LRRIQ1: variants seen among roughly 807,000 people sequenced by gnomAD.
LRRIQ1 encodes leucine-rich repeat- and IQ domain-containing protein 1.
A neutral mutation model predicts 211.9 loss-of-function variants in LRRIQ1; 210 were observed. That is an observed-to-expected ratio of 0.99 (90% CI 0.89 to 1.11). The LOEUF (loss-of-function observed/expected upper bound fraction) is 1.11, where lower values mean the gene tolerates loss of function less well. LRRIQ1 is among the 50% of genes most tolerant of loss of function. The probability of loss-of-function intolerance (pLI) is 0.00; values close to 1 mark genes in which losing one functional copy is unlikely to be tolerated. For missense variants in LRRIQ1, 2,136 were observed against 1,939.5 expected (o/e 1.10, Z -1.90); for synonymous variants, 699 against 650.1 (o/e 1.08, Z -1.14).
At chr12:85,053,876 T>G (rs1880642019) in intron 7 of LRRIQ1, among the ~76,000 whole-genome samples, 1 of 152,160 alleles carries the variant, frequency 6.6e-6, no homozygotes. Flanking sequence ...CCCAGCTAAT[T>G]TTTTGTATTG....
Position 85,055,835 on chromosome 12 carries a change from G to C in LRRIQ1, c.1042G>C (p.Glu348Gln), listed in dbSNP as rs201810554. 5.5e-5 allele frequency: 87 copies of C among 1,576,454 alleles called. No individual in the cohort carries two copies. Among genetic ancestry groups the C allele is most frequent in the Non-Finnish European group, 6.9e-5 (80 of 1,162,194 alleles). ...RLEEEQRIKE[E>Q]RKKQKEEERK... ...AGAGGAGGAACAAAGGATAAAAGAA[G>C]AGAGAAAAAAGCAAAAGGAAGAGGA... Residue 348 changes from glutamate to glutamine, a missense_variant, in exon 8 of 27, where the codon GAG (glutamate) becomes CAG (glutamine). Coordinates refer to ENST00000393217, the MANE Select transcript of LRRIQ1 (RefSeq NM_001079910.2).
At chr12:85,268,504 A>G (rs1896469780), downstream of LRRIQ1, among the ~76,000 whole-genome samples, 1 of 151,974 alleles carries the variant, frequency 6.6e-6, no homozygotes, top group Admixed American at 6.6e-5. Flanking sequence ...TGTAAAATAA[A>G]TTGGTAGAAT....
intron 24 of LRRIQ1, among the ~76,000 whole-genome samples, chr12:85,195,130 T>C (rs2136972122): frequency 1.3e-5 from 2 of 152,162 alleles, no homozygotes; most frequent in Middle Eastern, 6.8e-3. Context: ...CAGGAAGAAG[T>C]TGAATCTCTG....
At chr12:85,251,002 T>C (rs953509565) in intron 1 of LRRIQ1, among the ~76,000 whole-genome samples, 19 of 121,822 alleles carry the variant, frequency 1.6e-4, no homozygotes, top group African/African-American at 5.8e-4. Flanking sequence ...ATATTATATA[T>C]AATATATATA....
intron 24 of LRRIQ1, among the ~76,000 whole-genome samples, chr12:85,172,641 T>A (rs1270417761): frequency 6.6e-6 from 1 of 152,122 alleles, no homozygotes; most frequent in African/African-American, 2.4e-5. Context: ...TATGGGAATA[T>A]TAGGAAGGGG....
At chr12:85,243,029 G>C (rs1895534962) in intron 26 of LRRIQ1, among the ~76,000 whole-genome samples, 2 of 151,544 alleles carry the variant, frequency 1.3e-5, no homozygotes, top group Admixed American at 1.3e-4. Flanking sequence ...GTGAAATTAT[G>C]TCATTACATT....
intron 8 of LRRIQ1, among the ~76,000 whole-genome samples, chr12:85,062,808 A>G (rs1180596178): frequency 1.3e-5 from 2 of 151,832 alleles, no homozygotes; most frequent in African/African-American, 4.8e-5. Context: ...ACTAATTTAT[A>G]TCTCTACCAA....
chr12:85,080,068 C>T (rs569542780), intron 11 of LRRIQ1, among the ~76,000 whole-genome samples: 7 of 152,090 alleles, frequency 4.6e-5, no homozygotes, highest in African/African-American at 9.6e-5. Flanking sequence ...AATACACACG[C>T]GCACACACGT....
In LRRIQ1 at chr12:85,250,985, ATATAT is replaced by A. The variant is rs1435134035; in HGVS notation, c.121+6087_121+6091del. The stretch of plus-strand genomic sequence containing the variant: ...TATTATATTATATATATTATAGATT[ATATAT>A]TATATTATATATAATATATATACCT... On this transcript the variant is annotated intron_variant, in intron 1 of 1. Transcript: ENST00000602731. 1.6e-4 allele frequency among the ~76,000 whole-genome samples: 19 copies of A among 119,038 alleles called. No homozygotes were observed. In the East Asian group the frequency reaches 2.7e-3, roughly 17 times the overall value. 78.1% of individuals were successfully genotyped at this position (119,038 alleles called of 152,430 possible).
chr12:85,130,985 G>A (rs574134291), intron 18 of LRRIQ1, among the ~76,000 whole-genome samples: 3 of 151,562 alleles, frequency 2.0e-5, no homozygotes, highest in Non-Finnish European at 2.9e-5. Flanking sequence ...CAAGGTGGGT[G>A]GATCACTTGA....
chr12:85,176,733 A>G (rs939842256), intron 24 of LRRIQ1, among the ~76,000 whole-genome samples: 2 of 142,692 alleles, frequency 1.4e-5, no homozygotes, highest in Non-Finnish European at 3.0e-5. Context: ...CCTAAAACTT[A>G]AAGTATAATA....
At chr12:85,219,262 A>G (rs1894292453) in intron 24 of LRRIQ1, among the ~76,000 whole-genome samples, 1 of 152,122 alleles carries the variant, frequency 6.6e-6, no homozygotes, top group Non-Finnish European at 1.5e-5. Flanking sequence ...ACATGGCAAA[A>G]CATATTTACT....
intron 15 of LRRIQ1, among the ~76,000 whole-genome samples, chr12:85,107,925 C>T (rs1338592117): frequency 6.6e-6 from 1 of 151,996 alleles, no homozygotes; most frequent in African/African-American, 2.4e-5. Flanking sequence ...CTCATGCTTT[C>T]TGGAACCTTC....
chr12:85,241,609 A>T (rs1006395566), intron 26 of LRRIQ1, among the ~76,000 whole-genome samples: 16 of 151,968 alleles, frequency 1.1e-4, no homozygotes, highest in Admixed American at 4.6e-4. Flanking sequence ...GCAGCAGAAA[A>T]TATATCATTT....
chr12:85,049,639 A>T (rs1175291439), intron 6 of LRRIQ1, among the ~76,000 whole-genome samples: 1 of 152,070 alleles, frequency 6.6e-6, no homozygotes, highest in Non-Finnish European at 1.5e-5. Flanking sequence ...CTGTTCTTTG[A>T]TTGGCTTTTT....
chr12:85,050,820 T>C (rs748812829), intron 6 of LRRIQ1, among the ~76,000 whole-genome samples: 1 of 152,230 alleles, frequency 6.6e-6, no homozygotes, highest in Non-Finnish European at 1.5e-5. Context: ...TCATATGAGA[T>C]AATGATCAAA....
At chr12:85,232,826 A>T (rs140036174) in intron 26 of LRRIQ1, 70 bp downstream of exon 26, 7 of 1,013,420 alleles carry the variant, frequency 6.9e-6, no homozygotes, top group South Asian at 6.6e-5. Context: ...GCACTTTAAG[A>T]TATGTTTATA....
chr12:85,119,714 C>T (rs1887835531), intron 15 of LRRIQ1, among the ~76,000 whole-genome samples: 1 of 152,032 alleles, frequency 6.6e-6, no homozygotes, highest in Admixed American at 6.6e-5. Flanking sequence ...CTAATAGGTA[C>T]GTAGTGGTAT....
intron 15 of LRRIQ1, among the ~76,000 whole-genome samples, chr12:85,116,689 T>G (rs1428541521): frequency 1.3e-5 from 2 of 152,158 alleles, no homozygotes; most frequent in African/African-American, 2.4e-5. Context: ...TTATCTTTTC[T>G]GTTCCTCTCC....
Sources: allele counts gnomAD v4.1 joint callset (sites outside exome capture counted in the v4.1 genomes callset), GRCh38; gene constraint gnomAD v4.1.1; transcripts MANE v1.5; gene names NCBI Gene and HGNC (gene_info 2026-07-23, HGNC 2026-07-21).